Variants in ZNF766 observed in about 807,000 individuals in gnomAD.
The protein encoded by ZNF766 is zinc finger protein 766.
A neutral mutation model predicts 13.2 loss-of-function variants in ZNF766; 13 were observed. That is an observed-to-expected ratio of 0.98 (90% confidence interval 0.64 to 1.56). ZNF766 has a LOEUF of 1.56. Among genes scored for constraint, ZNF766 ranks in the 40% most tolerant of loss-of-function variants. The probability of loss-of-function intolerance (pLI) is 0.00; values close to 1 mark genes in which losing one functional copy is unlikely to be tolerated. For synonymous variants in ZNF766, 178 were observed against 187.6 expected, an observed-to-expected ratio of 0.95 and a Z score of 0.42; for missense variants, 521 against 552.2, an observed-to-expected ratio of 0.94 and a Z score of 0.57.
rs1220620012 is a variant in ZNF766, at chr19:52,285,992, G to T, written c.274+2579G>T. On this transcript the variant is annotated intron_variant, in intron 3 of 3. Coordinates refer to ENST00000439461, the MANE Select transcript of ZNF766 (RefSeq NM_001010851.3). ...AGGAGCCTGGAACGTGTCCTCCCTGGATACCAAGGGAGGGATTCTGAATCG... is the reference window on the plus strand; with the variant it reads ...AGGAGCCTGGAACGTGTCCTCCCTGTATACCAAGGGAGGGATTCTGAATCG... Among the ~76,000 whole-genome samples the T allele has an allele frequency of 4.6e-5, 7 of 152,062 alleles. No individual in the cohort carries two copies. The East Asian group carries it at 9.6e-4, about 21-fold the overall frequency.
chr19:52,290,604 C>A lies in ZNF766; in HGVS notation c.813C>A (p.Tyr271Ter), dbSNP rs1160668623. The change falls in exon 4 of 4, where the codon TAC (tyrosine) becomes TAA (stop). Residue 271 changes from tyrosine to a stop codon, truncating the protein, a stop_gained. Transcript: ENST00000439461. LOFTEE classifies it low-confidence loss of function (END_TRUNC). ...HEKVHTGESP[Y>*]KCNECGKVFS... ...AAGTGCATACTGGAGAGAGTCCTTA[C>A]AAATGTAATGAGTGTGGCAAGGTCT... 5.0e-6 allele frequency: 8 copies of A among 1,613,892 alleles called. No individual in the cohort carries two copies. The highest frequency in any genetic ancestry group is 2.7e-5 in the African/African-American group (2 of 74,902).
Position 52,269,617 on chromosome 19 carries a change from G to C in ZNF766, c.4G>C (p.Ala2Pro). M[A>P]QLRRGHLTFR... ...CGGAAGTGGATGGCGTGGAGATATG[G>C]CGCAACTGCGGCGCGTGAGTTTTCC... Residue 2 changes from alanine (A) to proline (P), a missense_variant, in exon 1 of 4, where the codon GCG becomes CCG. Physicochemically the swap from Ala to Pro is conservative, Grantham distance 27 (BLOSUM62 -1). Coordinates refer to ENST00000439461, the MANE Select transcript of ZNF766 (RefSeq NM_001010851.3). 1 of 1,612,942 alleles carries C rather than the reference G, an allele frequency of 6.2e-7. No homozygotes were observed. Among genetic ancestry groups the C allele is most frequent in the Non-Finnish European group, 8.5e-7 (1 of 1,179,724 alleles).
At chr19:52,277,534 T>A in intron 1 of ZNF766, 1 of 1,574,682 alleles carries the variant, frequency 6.4e-7, no homozygotes, top group South Asian at 1.1e-5. Context: ...GGCATGCCAC[T>A]TACTCAGGTA....
In ZNF766 at chr19:52,270,920, G is replaced by A. The variant is rs563949887; in HGVS notation, c.18+1289G>A. Reference sequence around the variant, plus strand: ...CTGCCTCAGCCACCCGAGTAGCTGGGACTACAGGCGCCCGCCAGCTCGCCT... The same window carrying A: ...CTGCCTCAGCCACCCGAGTAGCTGGAACTACAGGCGCCCGCCAGCTCGCCT... On this transcript the variant is annotated intron_variant, in intron 1 of 3. Transcript: ENST00000439461. Among the ~76,000 whole-genome samples, 34 of 152,196 alleles carry A rather than the reference G, an allele frequency of 2.2e-4. 1 individual carries two copies. The South Asian group carries it at 6.2e-3, about 28-fold the overall frequency.
chr19:52,286,281 G>A (rs1188974915), intron 3 of ZNF766, among the ~76,000 whole-genome samples: 1 of 150,348 alleles, frequency 6.7e-6, no homozygotes, highest in Non-Finnish European at 1.5e-5. Context: ...ATTATGTTAA[G>A]TAAGTTCCTC....
chr19:52,278,585 G>A (rs1199725321), intron 1 of ZNF766, among the ~76,000 whole-genome samples: 1 of 152,116 alleles, frequency 6.6e-6, no homozygotes, highest in African/African-American at 2.4e-5. Flanking sequence ...TGTATTTTCA[G>A]TAGAGACGGA....
rs1482044128 is a variant in ZNF766, at chr19:52,292,107, TCAACC to T, written c.*910_*914del. The T allele has an allele frequency of 2.9e-6, 2 of 700,784 alleles. No individual in the cohort carries two copies. The highest frequency in any genetic ancestry group is 4.0e-5 in the Admixed American group (2 of 49,436). 43.4% of individuals were successfully genotyped at this position (700,784 alleles called of 1,614,324 possible). A position where few individuals can be genotyped will look rare whatever the true frequency, so the allele number is the denominator to read the frequency against. On this transcript the variant is annotated 3_prime_UTR_variant, in exon 4 of 4. Transcript: ENST00000439461. ...AAAAAAAAGGCTAGTTTTTATGACT[TCAACC>T]TGAACTTTGAAATTTCTTCATGTGC...
At chr19:52,287,088 G>C (rs1981867033) in intron 3 of ZNF766, among the ~76,000 whole-genome samples, 1 of 151,868 alleles carries the variant, frequency 6.6e-6, no homozygotes, top group Admixed American at 6.6e-5. Flanking sequence ...GCCTGCCTCA[G>C]CCTCCCAAAG....
At chr19:52,279,206 G>A (rs978443445) in intron 1 of ZNF766, among the ~76,000 whole-genome samples, 3 of 152,202 alleles carry the variant, frequency 2.0e-5, no homozygotes, top group Middle Eastern at 6.8e-3. Context: ...TTATTTCTGG[G>A]CTGACTATTC....
intron 3 of ZNF766, among the ~76,000 whole-genome samples, chr19:52,284,543 C>T (rs1981715057): frequency 6.6e-6 from 1 of 152,130 alleles, no homozygotes; most frequent in Non-Finnish European, 1.5e-5. Flanking sequence ...GTGGAGATTT[C>T]TCCCCACCAG....
intron 2 of ZNF766, 55 bp from the exon 3 acceptor site, chr19:52,283,229 AG>A: frequency 6.4e-7 from 1 of 1,571,282 alleles, no homozygotes; most frequent in South Asian, 1.2e-5. Flanking sequence ...GCCTAAACAG[AG>A]GGCTTGGATT....
intron 3 of ZNF766, among the ~76,000 whole-genome samples, 174 bp from the exon 4 acceptor site, chr19:52,289,892 T>A (rs1248685615): frequency 1.3e-5 from 2 of 152,048 alleles, no homozygotes; most frequent in African/African-American, 4.8e-5. Flanking sequence ...TCCCAGCTAC[T>A]TGGGAGGCTG....
rs781247013 is a variant in ZNF766, at chr19:52,293,505, ATT to A, written c.*2310_*2311del. On this transcript the variant is annotated 3_prime_UTR_variant, in exon 4 of 4. Transcript: ENST00000439461. ...TTTTAAGGTTGAAGCATCCACAACA[ATT>A]TTGTGTGTGAAATGAAATGACATGC... The A allele has an allele frequency of 6.6e-6, 1 of 152,076 alleles. No homozygotes were observed. Among genetic ancestry groups the A allele is most frequent in the Non-Finnish European group, 1.5e-5 (1 of 68,016 alleles). The allele number at this position is 152,076 out of a possible 1,614,324, so 9.4% of individuals were successfully genotyped here. A position where few individuals can be genotyped will look rare whatever the true frequency, so the allele number is the denominator to read the frequency against.
intron 3 of ZNF766, chr19:52,284,892 C>T (rs1715057915): frequency 6.6e-6 from 1 of 151,966 alleles, no homozygotes; most frequent in East Asian, 1.9e-4. Context: ...GGTGTGCCGC[C>T]CTTGAGGCCC....
At chr19:52,272,276 C>G (rs1981010877) in intron 1 of ZNF766, among the ~76,000 whole-genome samples, 1 of 152,104 alleles carries the variant, frequency 6.6e-6, no homozygotes, top group South Asian at 2.1e-4. Context: ...TTTGAATTTC[C>G]TATCCTCATC....
chr19:52,286,322 C>CT (rs1164613687), intron 3 of ZNF766, among the ~76,000 whole-genome samples: 2,219 of 119,800 alleles, frequency 0.019, 18 homozygotes, highest in Non-Finnish European at 0.027. Context: ...GTTTTTCTTT[C>CT]TTTTTTTTTT....
chr19:52,280,726 G>A (rs1036051421), intron 1 of ZNF766, among the ~76,000 whole-genome samples: 5 of 151,950 alleles, frequency 3.3e-5, no homozygotes, highest in Admixed American at 2.6e-4. Flanking sequence ...GGGACTACAG[G>A]CATGCACCGC....
At chr19:52,269,767 T>G (rs1600192162) in intron 1 of ZNF766, 136 bp downstream of exon 1, 4 of 1,188,026 alleles carry the variant, frequency 3.4e-6, no homozygotes, top group Non-Finnish European at 4.7e-6. Flanking sequence ...ATGCGTCCCG[T>G]CAGAGTGTTA....
At chr19:52,276,202 T>C (rs56211703) in intron 1 of ZNF766, among the ~76,000 whole-genome samples, 30,982 of 152,180 alleles carry the variant, frequency 0.2, 3,392 homozygotes, top group Middle Eastern at 0.29. Flanking sequence ...GTCCCTGTTA[T>C]TAAGCGATGC....
Sources: allele counts gnomAD v4.1 joint callset (sites outside exome capture counted in the v4.1 genomes callset), GRCh38; gene constraint gnomAD v4.1.1; transcripts MANE v1.5; gene names NCBI Gene and HGNC (gene_info 2026-07-23, HGNC 2026-07-21).